Variants in ZNF90 observed in about 807,000 individuals in gnomAD.
The protein encoded by ZNF90 is zinc finger protein 90, also known as zinc finger protein HTF9.
ZNF90 carries 11 observed loss-of-function variants against 12.0 expected under a neutral mutation model. The ratio of observed to expected loss-of-function variants is 0.92; its 90% confidence interval spans 0.58 to 1.52. ZNF90 has a LOEUF of 1.52. ZNF90 is among the 40% of genes most tolerant of loss of function. ZNF90 has a pLI of 0.00. For missense variants in ZNF90, 765 were observed against 711.5 expected, an observed-to-expected ratio of 1.08 and a Z score of -0.86; for synonymous variants, 232 against 240.1, an observed-to-expected ratio of 0.97 and a Z score of 0.31.
At chr19:20,097,916 CAA>C (rs1395562409) in intron 1 of ZNF90, among the ~76,000 whole-genome samples, 2 of 152,168 alleles carry the variant, frequency 1.3e-5, no homozygotes, top group African/African-American at 2.4e-5. Context: ...TTTCTGTAAA[CAA>C]ATATAAATTT....
Position 20,105,219 on chromosome 19 carries a change from AG to A in ZNF90, c.131del. The A allele has an allele frequency of 6.3e-7, 1 of 1,596,546 alleles. No individual in the cohort carries two copies. The highest frequency in any genetic ancestry group is 8.5e-7 in the Non-Finnish European group (1 of 1,171,226). ...TCATGTTATTTATTTTTAATAAAAC[AG>A]GTATTGTTGTCACTAAGCCAGACCT... is the stretch of plus-strand genomic sequence containing the variant. On this transcript the variant is annotated splice_acceptor_variant, in intron 2 of 3. Transcript: ENST00000418063. LOFTEE classifies it high-confidence loss of function.
intron 3 of ZNF90, among the ~76,000 whole-genome samples, chr19:20,112,530 T>G (rs79349802): frequency 0.082 from 12,388 of 151,594 alleles, 1,692 homozygotes; most frequent in African/African-American, 0.28. Context: ...CCATGTTGTT[T>G]AGGCTGGTCT....
intron 1 of ZNF90, among the ~76,000 whole-genome samples, chr19:20,078,818 A>C (rs1328365827): frequency 2.0e-5 from 3 of 152,046 alleles, no homozygotes; most frequent in Non-Finnish European, 2.9e-5. Flanking sequence ...ACAGAACTGC[A>C]TTAGGGCTAA....
At chr19:20,078,205 C>T in intron 1 of ZNF90, 70 bp downstream of exon 1, 1 of 1,599,696 alleles carries the variant, frequency 6.3e-7, no homozygotes, top group African/African-American at 1.3e-5. Context: ...GTGGCTGTGG[C>T]GGGACTTAGG....
intron 3 of ZNF90, among the ~76,000 whole-genome samples, chr19:20,108,254 C>A (rs1349862715): frequency 6.6e-6 from 1 of 152,100 alleles, no homozygotes; most frequent in Non-Finnish European, 1.5e-5. Context: ...ATTCAAAATA[C>A]CTGTATATGA....
chr19:20,103,267 T>C (rs1725924), intron 1 of ZNF90, among the ~76,000 whole-genome samples: 40,745 of 152,108 alleles, frequency 0.27, 6,164 homozygotes, highest in East Asian at 0.48. Flanking sequence ...GTTTAGCATT[T>C]ATAAGGAACC....
intron 3 of ZNF90, among the ~76,000 whole-genome samples, chr19:20,110,078 A>G (rs1341639362): frequency 2.6e-5 from 4 of 152,196 alleles, no homozygotes; most frequent in Non-Finnish European, 5.9e-5. Context: ...CAAGTGACAC[A>G]ATATTCTCAA....
rs374932732 is a variant in ZNF90 at position 20,120,775 on chromosome 19, T to C, written c.*1415T>C. The C allele has an allele frequency of 6.6e-5, 10 of 152,184 alleles. No individual in the cohort carries two copies. Among genetic ancestry groups the C allele is most frequent in the Admixed American group, 2.6e-4 (4 of 15,282 alleles). The allele number at this position is 152,184 out of a possible 1,614,324, so 9.4% of individuals were successfully genotyped here. On this transcript the variant is annotated 3_prime_UTR_variant, in exon 4 of 4. Transcript: ENST00000418063. ...GGTTTTTTGAAGCATTGTAATTACA[T>C]TGAAAGTATACTTGCTTTCTTGAGA...
Position 20,119,584 on chromosome 19 carries a change from G to C in ZNF90, c.*224G>C. ...CATACTGGACGGAAACTCTACAGGT[G>C]TGAAAAATGCAGCAAAGCCTATAAC... On this transcript the variant is annotated 3_prime_UTR_variant, in exon 4 of 4. Transcript: ENST00000418063. 1 of 444,000 alleles carries C rather than the reference G, an allele frequency of 2.3e-6. No individual in the cohort carries two copies. Among genetic ancestry groups the C allele is most frequent in the Non-Finnish European group, 3.9e-6 (1 of 254,618 alleles). 27.5% of individuals were successfully genotyped at this position (444,000 alleles called of 1,614,324 possible). A position where few individuals can be genotyped will look rare whatever the true frequency, so the allele number is the denominator to read the frequency against.
chr19:20,080,562 G>T, intron 1 of ZNF90: 1 of 210,122 alleles, frequency 4.8e-6, no homozygotes, highest in South Asian at 8.8e-5. Flanking sequence ...GCTGGAAAGA[G>T]TTCTCTTTTC....
At chr19:20,111,553 A>G (rs1165189699) in intron 3 of ZNF90, among the ~76,000 whole-genome samples, 3 of 151,728 alleles carry the variant, frequency 2.0e-5, no homozygotes, top group African/African-American at 7.3e-5. Context: ...GCTTAAAGAA[A>G]AATTACCAGT....
rs113217554 is a variant in ZNF90, at chr19:20,101,738, T to C, written c.4-2501T>C. 4.2e-3 allele frequency among the ~76,000 whole-genome samples: 638 copies of C among 152,222 alleles called. 6 individuals carry two copies. The highest frequency in any genetic ancestry group is 0.015 in the African/African-American group (610 of 41,534). On this transcript the variant is annotated intron_variant, in intron 1 of 3. Coordinates refer to ENST00000418063, the MANE Select transcript of ZNF90 (RefSeq NM_007138.2). ...AATTTCTCCAGAGAATGTCATTTGA[T>C]AAGGAATTCCAGAGAAGGAGGAGAA...
In ZNF90 at chr19:20,119,157, A is replaced by C. The variant is rs782681679; in HGVS notation, c.1603A>C (p.Lys535Gln). The part of the protein sequence containing the change: ...SKHKIIHTGA[K>Q]PYKCEECGKA... ...ACATAAGATAATTCATACTGGAGCG[A>C]AACCCTACAAATGTGAAGAATGTGG... Residue 535 changes from lysine to glutamine, a missense_variant, in exon 4 of 4, where the codon AAA (lysine) becomes CAA (glutamine). Transcript: ENST00000418063. 1 of 1,612,864 alleles carries C rather than the reference A, an allele frequency of 6.2e-7. No individual in the cohort carries two copies. The highest frequency in any genetic ancestry group is 8.5e-7 in the Non-Finnish European group (1 of 1,179,330).
intron 3 of ZNF90, 160 bp from the exon 4 acceptor site, chr19:20,117,621 T>C: frequency 1.0e-6 from 1 of 985,022 alleles, no homozygotes. Context: ...ATGTAACCTG[T>C]ATTTATCAGA....
chr19:20,103,154 C>T (rs183932993), intron 1 of ZNF90, among the ~76,000 whole-genome samples: 1 of 152,234 alleles, frequency 6.6e-6, no homozygotes, highest in Admixed American at 6.5e-5. Flanking sequence ...TGTGAAGGCC[C>T]AGAGCTCTGG....
rs1555706287 is a variant in ZNF90, at chr19:20,119,214, A to G, written c.1660A>G (p.Ser554Gly). The G allele has an allele frequency of 1.9e-6, 3 of 1,613,848 alleles. No individual in the cohort carries two copies. The highest frequency in any genetic ancestry group is 2.5e-6 in the Non-Finnish European group (3 of 1,179,906). Residue 554 changes from serine (S) to glycine (G), a missense_variant, in exon 4 of 4, where the codon AGT becomes GGT. Transcript: ENST00000418063. Reference protein sequence around the residue: ...KAFKRSSQLTSHKISHTGEKP... With the variant: ...KAFKRSSQLTGHKISHTGEKP... ...CTTTAAGCGCTCCTCACAGCTTACT[A>G]GTCATAAGATAAGTCATACTGGAGA...
intron 1 of ZNF90, among the ~76,000 whole-genome samples, chr19:20,096,728 T>G (rs1369867250): frequency 6.6e-6 from 1 of 152,178 alleles, no homozygotes; most frequent in Non-Finnish European, 1.5e-5. Context: ...TCTGGGCATA[T>G]ACGTGCAGGT....
chr19:20,093,648 G>C (rs2088919826), intron 1 of ZNF90, among the ~76,000 whole-genome samples: 1 of 152,122 alleles, frequency 6.6e-6, no homozygotes. Context: ...AAAGAGTGTT[G>C]TCCAAGTTGG....
In ZNF90 at chr19:20,120,720, T is replaced by C. The variant is rs1319147136; in HGVS notation, c.*1360T>C. 2 of 152,104 alleles carry C rather than the reference T, an allele frequency of 1.3e-5. No homozygotes were observed. Among genetic ancestry groups the C allele is most frequent in the East Asian group, 3.8e-4 (2 of 5,200 alleles). The allele number at this position is 152,104 out of a possible 1,614,324, so 9.4% of individuals were successfully genotyped here. On this transcript the variant is annotated 3_prime_UTR_variant, in exon 4 of 4. Coordinates refer to ENST00000418063, the MANE Select transcript of ZNF90 (RefSeq NM_007138.2). ...TATAAAAAAGAATCCACAACAAAAA[T>C]TGTTAGATAAATTATATATAGCTTT...
Sources: allele counts gnomAD v4.1 joint callset (sites outside exome capture counted in the v4.1 genomes callset), GRCh38; gene constraint gnomAD v4.1.1; transcripts MANE v1.5; gene names NCBI Gene and HGNC (gene_info 2026-07-23, HGNC 2026-07-21).